The following NPRL3 variants were observed in gnomAD, a reference collection of about 807,000 sequenced individuals.
NPRL3 encodes GATOR1 complex protein NPRL3.
In NPRL3, 23 loss-of-function variants were observed where a neutral mutation model predicts 57.2. That is an observed-to-expected ratio of 0.40 (90% CI 0.29 to 0.57). NPRL3 has a LOEUF of 0.57. NPRL3 is among the 20% of genes least tolerant of loss of function. The pLI is 0.42. For synonymous variants in NPRL3, 333 were observed against 321.1 expected (o/e 1.04, Z -0.39); for missense variants, 691 against 767.1 (o/e 0.90, Z 1.17).
At chr16:134,827 G>C (rs369493208) in intron 2 of NPRL3, among the ~76,000 whole-genome samples, 1 of 147,748 alleles carries the variant, frequency 6.8e-6, no homozygotes, top group African/African-American at 2.5e-5. Context: ...TCAGCCTCCC[G>C]AGTAGCTGGG....
In NPRL3 at chr16:86,852, G is replaced by C. The variant is rs1369887915; in HGVS notation, c.1563C>G (p.Arg521=). 1 of 1,613,176 alleles carries C rather than the reference G, an allele frequency of 6.2e-7. No individual in the cohort carries two copies. Among genetic ancestry groups the C allele is most frequent in the Non-Finnish European group, 8.5e-7 (1 of 1,179,680 alleles). The change falls in exon 14 of 14, where the codon CGC becomes CGG. Residue 521 remains arginine (R), a synonymous_variant. Coordinates refer to ENST00000611875, the MANE Select transcript of NPRL3 (RefSeq NM_001077350.3). ...TAATCTCCTCCAGGTGGTGGCGGCCGCGGAAGTAGTGAAGGAGCCTGGAAG... is the reference window on the plus strand; with the variant it reads ...TAATCTCCTCCAGGTGGTGGCGGCCCCGGAAGTAGTGAAGGAGCCTGGAAG... ...RMFARLLHYF[R]GRHHLEEIMY... is the part of the protein sequence containing the mutation.
Position 107,420 on chromosome 16 carries a change from G to A in NPRL3, c.629+3105C>T, listed in dbSNP as rs181549802. On this transcript the variant is annotated intron_variant, in intron 7 of 13. Transcript: ENST00000611875. ...AGCATTTTGGGAGGCCGAGCCGGGC[G>A]GATCTACAAGGTCAGGAGTTCGAGA... 6.8e-3 allele frequency among the ~76,000 whole-genome samples: 1,035 copies of A among 152,050 alleles called. 1 individual carries two copies. The highest frequency in any genetic ancestry group is 9.9e-3 in the Non-Finnish European group (676 of 67,986).
intron 7 of NPRL3, among the ~76,000 whole-genome samples, chr16:106,780 G>C (rs1380153492): frequency 1.3e-5 from 2 of 152,074 alleles, no homozygotes; most frequent in African/African-American, 4.8e-5. Context: ...TCACCATCAG[G>C]AGAAAGGCGC....
At position 127,718 on chromosome 16, in the gene NPRL3, A is replaced by C. The variant is rs564317331; in HGVS notation, c.188+2804T>G. The stretch of plus-strand genomic sequence containing the variant: ...TGCCCAGGCTGGAGTGCAGTGGCAC[A>C]ATCTTGGCTCACTGCAAGCTCCGCC... On this transcript the variant is annotated intron_variant, in intron 3 of 13. Coordinates refer to ENST00000611875, the MANE Select transcript of NPRL3 (RefSeq NM_001077350.3). Among the ~76,000 whole-genome samples, 387 of 148,886 alleles carry C rather than the reference A, an allele frequency of 2.6e-3. 3 individuals are homozygous for C. The highest frequency in any genetic ancestry group is 9.1e-3 in the African/African-American group (367 of 40,324).
chr16:86,607 G>T lies in NPRL3; in HGVS notation c.*98C>A. On this transcript the variant is annotated 3_prime_UTR_variant, in exon 14 of 14. Transcript: ENST00000611875. ...CATCCACCCAATGCCAGGCCTCAGG[G>T]CCAAGAGGGCTCAGCCTCAGCACGG... is the stretch of plus-strand genomic sequence containing the variant. 1.3e-5 allele frequency: 17 copies of T among 1,288,216 alleles called. No individual in the cohort carries two copies. Among genetic ancestry groups the T allele is most frequent in the Middle Eastern group, 2.7e-4 (1 of 3,692 alleles). 79.8% of individuals were successfully genotyped at this position (1,288,216 alleles called of 1,614,324 possible).
At position 86,678 on chromosome 16, in the gene NPRL3, C is replaced by T. The variant is rs746803104; in HGVS notation, c.*27G>A. On this transcript the variant is annotated 3_prime_UTR_variant, in exon 14 of 14. Coordinates refer to ENST00000611875, the MANE Select transcript of NPRL3 (RefSeq NM_001077350.3). ...GACGCGAGCGCCCACCTGCGCACCCCAGCAGCCTTCCGCCCTCCGCCTGGG... is the reference window on the plus strand; with the variant it reads ...GACGCGAGCGCCCACCTGCGCACCCTAGCAGCCTTCCGCCCTCCGCCTGGG... 1.0e-5 allele frequency: 16 copies of T among 1,536,266 alleles called. 1 individual carries two copies. In the South Asian group the frequency reaches 1.8e-4, roughly 17 times the overall value.
chr16:86,852 G>A lies in NPRL3; in HGVS notation c.1563C>T (p.Arg521=), dbSNP rs1369887915. The A allele has an allele frequency of 5.6e-6, 9 of 1,613,058 alleles. No individual in the cohort carries two copies. The highest frequency in any genetic ancestry group is 2.2e-5 in the East Asian group (1 of 44,886). The change falls in exon 14 of 14, where the codon CGC becomes CGT. Residue 521 remains arginine (R), a synonymous_variant. Coordinates refer to ENST00000611875, the MANE Select transcript of NPRL3 (RefSeq NM_001077350.3). ...RMFARLLHYF[R]GRHHLEEIMY... ...TAATCTCCTCCAGGTGGTGGCGGCC[G>A]CGGAAGTAGTGAAGGAGCCTGGAAG...
chr16:130,431 G>A (rs1331611145), intron 3 of NPRL3, 91 bp downstream of exon 3: 3 of 1,313,290 alleles, frequency 2.3e-6, no homozygotes. Context: ...ACTTCTCAGG[G>A]AGAAAACATC....
chr16:93,991 C>T (rs776206302), intron 9 of NPRL3, among the ~76,000 whole-genome samples: 1 of 152,176 alleles, frequency 6.6e-6, no homozygotes, highest in Non-Finnish European at 1.5e-5. Flanking sequence ...GTGCTGGGAA[C>T]ACAGTGCTGG....
chr16:128,040 G>C (rs918573441), intron 3 of NPRL3, among the ~76,000 whole-genome samples: 1 of 145,172 alleles, frequency 6.9e-6, no homozygotes, highest in African/African-American at 2.6e-5. Context: ...TGCCCAAACT[G>C]GAGTGCAGTG....
intron 3 of NPRL3, among the ~76,000 whole-genome samples, chr16:120,484 A>T (rs767706441): frequency 1.3e-5 from 2 of 152,232 alleles, no homozygotes; most frequent in Non-Finnish European, 2.9e-5. Context: ...AATGGCAAGT[A>T]GCTACATGAT....
chr16:89,699 C>A lies in NPRL3; in HGVS notation c.1351+14G>T, dbSNP rs1328743454. 1 of 1,552,224 alleles carries A rather than the reference C, an allele frequency of 6.4e-7. No individual in the cohort carries two copies. Among genetic ancestry groups the A allele is most frequent in the South Asian group, 1.2e-5 (1 of 84,304 alleles). Reference sequence around the variant, plus strand: ...TCTCCCCTGACTACCACAGCGGTGCCCTGGGGGTCCTACTTGGGGAGCCAA... The same window carrying A: ...TCTCCCCTGACTACCACAGCGGTGCACTGGGGGTCCTACTTGGGGAGCCAA... On this transcript the variant is annotated intron_variant, in intron 12 of 13. Transcript: ENST00000611875.
At chr16:116,603 T>G (rs1900041835) in intron 5 of NPRL3, among the ~76,000 whole-genome samples, 1 of 151,794 alleles carries the variant, frequency 6.6e-6, no homozygotes. Flanking sequence ...GGGAAGACCA[T>G]TTGAGACCAG....
At chr16:90,006 GCTGACGCACA>G in intron 11 of NPRL3, 104 bp from the exon 12 acceptor site, 1 of 1,111,984 alleles carries the variant, frequency 9.0e-7, no homozygotes, top group East Asian at 2.9e-5. Context: ...CGCTCCCTGT[GCTGACGCACA>G]GGCAGAAAGG....
rs751124886 is a variant in NPRL3 at position 85,633 on chromosome 16, C to T, written c.*1072G>A. The T allele has an allele frequency of 4.4e-6, 7 of 1,595,358 alleles. No individual in the cohort carries two copies. In the South Asian group the frequency reaches 7.8e-5, roughly 18 times the overall value. On this transcript the variant is annotated 3_prime_UTR_variant, in exon 14 of 14. Coordinates refer to ENST00000611875, the MANE Select transcript of NPRL3 (RefSeq NM_001077350.3). ...GGCTGGAGCGTGGTCCCCTGGAGCC[C>T]AGTGAGCCGGCTGTAGTGGCAGCAG...
intron 9 of NPRL3, among the ~76,000 whole-genome samples, chr16:94,783 C>T (rs148182328): frequency 2.6e-5 from 4 of 152,242 alleles, no homozygotes; most frequent in African/African-American, 9.6e-5. Context: ...TGTTCCCTCA[C>T]CCCACGTGCC....
intron 2 of NPRL3, among the ~76,000 whole-genome samples, chr16:136,227 C>T (rs1437570102): frequency 3.3e-5 from 5 of 152,172 alleles, no homozygotes; most frequent in Non-Finnish European, 2.9e-5. Context: ...CAAAAGGACA[C>T]GATAAACAAA....
chr16:99,485 A>T (rs1202890570), intron 8 of NPRL3, among the ~76,000 whole-genome samples: 5 of 150,832 alleles, frequency 3.3e-5, no homozygotes, highest in Non-Finnish European at 7.4e-5. Flanking sequence ...TCTACTAAAA[A>T]TACAAAAATT....
At chr16:98,918 C>CA (rs1256524227) in intron 8 of NPRL3, among the ~76,000 whole-genome samples, 3 of 152,124 alleles carry the variant, frequency 2.0e-5, no homozygotes, top group African/African-American at 7.2e-5. Context: ...AGCCTGGCGA[C>CA]AGAGTGAGAC....
Sources: allele counts gnomAD v4.1 joint callset (sites outside exome capture counted in the v4.1 genomes callset), GRCh38; gene constraint gnomAD v4.1.1; transcripts MANE v1.5; gene names NCBI Gene and HGNC (gene_info 2026-07-23, HGNC 2026-07-21).